PCSK2: variants seen among roughly 807,000 people sequenced by gnomAD.
The protein encoded by PCSK2 is proprotein convertase subtilisin/kexin type 2.
A neutral mutation model predicts 69.7 loss-of-function variants in PCSK2; 14 were observed. The observed-to-expected ratio is 0.20, with a 90% CI of 0.13 to 0.31. The LOEUF is 0.31. Among genes scored for constraint, PCSK2 ranks in the 10% least tolerant of loss-of-function variants. The probability of loss-of-function intolerance (pLI) is 1.00; values close to 1 mark genes in which losing one functional copy is unlikely to be tolerated. For synonymous variants in PCSK2, 307 were observed against 320.7 expected (o/e 0.96, Z 0.46); for missense variants, 544 against 842.5 (o/e 0.65, Z 4.39).
intron 5 of PCSK2, among the ~76,000 whole-genome samples, chr20:17,387,121 G>T (rs1371479740): frequency 6.6e-6 from 1 of 152,180 alleles, no homozygotes; most frequent in African/African-American, 2.4e-5. Context: ...TAGTTACTGT[G>T]ATTTGAAACA....
chr20:17,411,566 T>C (rs773432244), intron 6 of PCSK2, among the ~76,000 whole-genome samples: 5 of 152,216 alleles, frequency 3.3e-5, no homozygotes, highest in Non-Finnish European at 7.3e-5. Context: ...ACTGCCTCTA[T>C]AGACTCCACC....
At chr20:17,262,584 A>G (rs1337689682) in intron 2 of PCSK2, among the ~76,000 whole-genome samples, 1 of 152,208 alleles carries the variant, frequency 6.6e-6, no homozygotes, top group Non-Finnish European at 1.5e-5. Flanking sequence ...ATAGAAAAAT[A>G]GAGTGGCAAC....
At chr20:17,318,391 A>T (rs1045505189) in intron 2 of PCSK2, among the ~76,000 whole-genome samples, 4 of 152,182 alleles carry the variant, frequency 2.6e-5, no homozygotes, top group African/African-American at 9.7e-5. Context: ...TCGAGTTGTC[A>T]TCACGTTTTT....
chr20:17,390,001 A>C (rs1044215277), intron 5 of PCSK2, among the ~76,000 whole-genome samples: 5 of 152,242 alleles, frequency 3.3e-5, no homozygotes, highest in Non-Finnish European at 7.3e-5. Context: ...AAATAATTCC[A>C]ATGCCCGTCA....
intron 5 of PCSK2, among the ~76,000 whole-genome samples, chr20:17,406,360 G>T (rs1239378862): frequency 6.6e-6 from 1 of 152,194 alleles, no homozygotes; most frequent in African/African-American, 2.4e-5. Context: ...ACAACTGTTT[G>T]CCTTCCTTAA....
intron 5 of PCSK2, among the ~76,000 whole-genome samples, chr20:17,378,316 G>T (rs1488493270): frequency 1.3e-5 from 2 of 152,076 alleles, no homozygotes; most frequent in Non-Finnish European, 2.9e-5. Context: ...TCATCAATAC[G>T]ATACTAGACA....
chr20:17,242,056 G>A (rs1375410034), intron 1 of PCSK2, among the ~76,000 whole-genome samples: 52 of 152,232 alleles, frequency 3.4e-4, no homozygotes, highest in South Asian at 2.1e-4. Context: ...GTTCTTAGGG[G>A]GTACATCATA....
At chr20:17,240,108 T>A (rs866424306) in intron 1 of PCSK2, among the ~76,000 whole-genome samples, 6 of 151,920 alleles carry the variant, frequency 3.9e-5, no homozygotes, top group Non-Finnish European at 5.9e-5. Flanking sequence ...TGCCTTGGTC[T>A]CTCAAAGTGC....
intron 2 of PCSK2, among the ~76,000 whole-genome samples, chr20:17,269,217 A>G (rs1339984929): frequency 6.6e-6 from 1 of 152,160 alleles, no homozygotes; most frequent in African/African-American, 2.4e-5. Context: ...AGAGGCATCC[A>G]TCTATTGTTA....
At chr20:17,387,784 G>T (rs1238957505) in intron 5 of PCSK2, among the ~76,000 whole-genome samples, 1 of 152,204 alleles carries the variant, frequency 6.6e-6, no homozygotes, top group African/African-American at 2.4e-5. Flanking sequence ...GGGACAAGTG[G>T]CTGAATAGAG....
rs1286312736 is a variant in PCSK2, at chr20:17,483,582, A to C, written c.*1512A>C. On this transcript the variant is annotated 3_prime_UTR_variant, in exon 12 of 12. Transcript: ENST00000262545. ...TGGAGCACCTTTCCTTCAAGCCAGC[A>C]ACACAGAGCACTAGGTTCAATTCCC... 6.6e-6 allele frequency: 1 copy of C among 152,220 alleles called. No homozygotes were observed. Among genetic ancestry groups the C allele is most frequent in the Non-Finnish European group, 1.5e-5 (1 of 68,030 alleles). The allele number at this position is 152,220 out of a possible 1,614,324, so 9.4% of individuals were successfully genotyped here.
At chr20:17,467,433 T>G (rs1382539838) in intron 11 of PCSK2, among the ~76,000 whole-genome samples, 1 of 152,216 alleles carries the variant, frequency 6.6e-6, no homozygotes, top group African/African-American at 2.4e-5. Context: ...TAGTGGCAAG[T>G]CTAATGGCCA....
chr20:17,449,936 T>C (rs1194003288), intron 8 of PCSK2, among the ~76,000 whole-genome samples: 1 of 151,316 alleles, frequency 6.6e-6, no homozygotes, highest in Non-Finnish European at 1.5e-5. Flanking sequence ...TCGTCCCTCC[T>C]TCCATAGAGT....
chr20:17,295,194 T>C (rs1600459991), intron 2 of PCSK2, among the ~76,000 whole-genome samples: 1 of 150,494 alleles, frequency 6.6e-6, no homozygotes, highest in East Asian at 1.9e-4. Flanking sequence ...TTCAGTGAGG[T>C]CTGCATTTAT....
intron 5 of PCSK2, among the ~76,000 whole-genome samples, chr20:17,389,251 G>T (rs189791193): frequency 2.0e-3 from 300 of 152,192 alleles, no homozygotes; most frequent in African/African-American, 6.8e-3. Context: ...TACAGCTCAG[G>T]TTGGGCACAG....
chr20:17,292,851 G>A (rs1039033979), intron 2 of PCSK2, among the ~76,000 whole-genome samples: 2 of 151,936 alleles, frequency 1.3e-5, no homozygotes, highest in Non-Finnish European at 2.9e-5. Flanking sequence ...GTTTGAGAGT[G>A]TCTAGCTTTG....
At chr20:17,328,302 T>C (rs558533345) in intron 2 of PCSK2, among the ~76,000 whole-genome samples, 132 of 151,314 alleles carry the variant, frequency 8.7e-4, no homozygotes, top group African/African-American at 3.1e-3. Flanking sequence ...TTCCCATGTA[T>C]GTGTGTGTGT....
chr20:17,304,166 C>G (rs1309786438), intron 2 of PCSK2, among the ~76,000 whole-genome samples: 1 of 151,822 alleles, frequency 6.6e-6, no homozygotes, highest in African/African-American at 2.4e-5. Context: ...ATTAATGATA[C>G]TTGGTAAGGA....
rs140172684 is a variant in PCSK2 at position 17,473,071 on chromosome 20, A to G, written c.1430+7518A>G. On this transcript the variant is annotated intron_variant, in intron 11 of 11. Coordinates refer to ENST00000262545, the MANE Select transcript of PCSK2 (RefSeq NM_002594.5). Reference sequence around the variant, plus strand: ...TACGATTTTGCATGTTATCTCTAATAGGTCAAAGAAGAACTCTTTTTTTTT... The same window carrying G: ...TACGATTTTGCATGTTATCTCTAATGGGTCAAAGAAGAACTCTTTTTTTTT... Among the ~76,000 whole-genome samples the G allele has an allele frequency of 2.4e-3, 359 of 146,700 alleles. 3 individuals are homozygous for G. Among genetic ancestry groups the G allele is most frequent in the African/African-American group, 8.6e-3 (343 of 39,834 alleles).
Sources: gnomAD v4.1 joint callset for allele counts (sites outside exome capture counted in the v4.1 genomes callset) on GRCh38, gnomAD v4.1.1 for gene constraint, MANE v1.5 for transcripts, NCBI Gene and HGNC (gene_info 2026-07-23, HGNC 2026-07-21) for gene names.